FAM135A: variants seen among roughly 807,000 people sequenced by gnomAD.
The protein encoded by FAM135A is family with sequence similarity 135 member A, also known as protein FAM135A.
A neutral mutation model predicts 146.8 loss-of-function variants in FAM135A; 79 were observed. The observed-to-expected ratio is 0.54, with a 90% CI of 0.45 to 0.65. The LOEUF (loss-of-function observed/expected upper bound fraction) is 0.65. FAM135A is among the 30% of genes least tolerant of loss of function. FAM135A has a pLI of 0.00. For synonymous variants in FAM135A, 562 were observed against 603.6 expected, an observed-to-expected ratio of 0.93 and a Z score of 1.01; for missense variants, 1,623 against 1,758.2, an observed-to-expected ratio of 0.92 and a Z score of 1.38.
intron 1 of FAM135A, chr6:70,413,999 C>G (rs1766894697): frequency 1.0e-6 from 1 of 985,584 alleles, no homozygotes; most frequent in African/African-American, 1.7e-5. Context: ...TCTTCCTGAA[C>G]CTCGCGCCTA....
At chr6:70,427,802 A>G (rs555905382) in intron 3 of FAM135A, among the ~76,000 whole-genome samples, 41 of 152,310 alleles carry the variant, frequency 2.7e-4, no homozygotes, top group Non-Finnish European at 4.9e-4. Flanking sequence ...AAAGGAAAAA[A>G]TCTCTTTCTC....
At chr6:70,530,936 T>G (rs1795684553) in intron 16 of FAM135A, among the ~76,000 whole-genome samples, 1 of 152,204 alleles carries the variant, frequency 6.6e-6, no homozygotes, top group Admixed American at 6.5e-5. Context: ...CAGTGCCTTC[T>G]TTTTTACACA....
chr6:70,537,829 C>T (rs1194103102), intron 19 of FAM135A, among the ~76,000 whole-genome samples: 4 of 152,078 alleles, frequency 2.6e-5, no homozygotes, highest in Non-Finnish European at 4.4e-5. Context: ...TATTAGAAAA[C>T]ATTAAACAAT....
chr6:70,557,964 T>A (rs1406670871), intron 21 of FAM135A, among the ~76,000 whole-genome samples: 1 of 152,104 alleles, frequency 6.6e-6, no homozygotes, highest in East Asian at 1.9e-4. Flanking sequence ...AAGGCTAGAG[T>A]CCACCTAAGG....
At chr6:70,511,317 G>T (rs554017350) in intron 12 of FAM135A, among the ~76,000 whole-genome samples, 2 of 151,856 alleles carry the variant, frequency 1.3e-5, no homozygotes, top group Non-Finnish European at 2.9e-5. Context: ...CCCAGTAAAA[G>T]AAATCCTGTA....
At chr6:70,549,288 G>A (rs1006494775) in intron 20 of FAM135A, among the ~76,000 whole-genome samples, 1 of 151,910 alleles carries the variant, frequency 6.6e-6, no homozygotes, top group African/African-American at 2.4e-5. Flanking sequence ...AGTTAATCCT[G>A]GTAATTCCAT....
chr6:70,489,923 C>T (rs535512806), intron 10 of FAM135A, among the ~76,000 whole-genome samples: 4 of 152,256 alleles, frequency 2.6e-5, no homozygotes, highest in Admixed American at 2.0e-4. Flanking sequence ...CCAATATAGC[C>T]GTTGTCCTTT....
At chr6:70,510,034 A>G (rs985795541) in intron 12 of FAM135A, among the ~76,000 whole-genome samples, 1 of 151,934 alleles carries the variant, frequency 6.6e-6, no homozygotes, top group African/African-American at 2.4e-5. Context: ...ATAGTTTTGG[A>G]TTTTTTTTCC....
In FAM135A at chr6:70,526,154, A is replaced by G. The variant is rs777611798; in HGVS notation, c.3070A>G (p.Ser1024Gly). The part of the protein sequence containing the change: ...TVESETHLGT[S>G]DPFSASTDIV... ...TGAAAGTGAAACTCATCTGGGTACA[A>G]GTGATCCTTTTTCAGCCAGTACTGA... is the stretch of plus-strand genomic sequence containing the variant. The change falls in exon 15 of 22, where the codon AGT (serine) becomes GGT (glycine). Residue 1024 changes from serine to glycine, a missense_variant. Ser to Gly is a moderately conservative substitution (Grantham distance 56). This residue lies in a region of FAM135A where 1,061 missense variants were observed against 1,113.8 expected (regional missense o/e 0.95). Coordinates refer to ENST00000418814, the MANE Select transcript of FAM135A (RefSeq NM_001162529.3). The G allele has an allele frequency of 1.2e-6, 2 of 1,613,616 alleles. No individual in the cohort carries two copies. The highest frequency in any genetic ancestry group is 8.5e-7 in the Non-Finnish European group (1 of 1,179,658).
At chr6:70,446,573 G>A (rs555220009) in intron 4 of FAM135A, among the ~76,000 whole-genome samples, 16 of 152,306 alleles carry the variant, frequency 1.1e-4, no homozygotes, top group African/African-American at 3.4e-4. Flanking sequence ...TTTACAAAAA[G>A]ATTTTTGAGG....
Position 70,525,178 on chromosome 6 carries a change from C to G in FAM135A, c.2094C>G (p.Ser698=), listed in dbSNP as rs763062400. 6.3e-7 allele frequency: 1 copy of G among 1,592,336 alleles called. No individual in the cohort carries two copies. The highest frequency in any genetic ancestry group is 1.8e-5 in the Admixed American group (1 of 55,046). The change falls in exon 15 of 22, where the codon TCC becomes TCG. Residue 698 remains serine (S), a synonymous_variant. Coordinates refer to ENST00000418814, the MANE Select transcript of FAM135A (RefSeq NM_001162529.3). ...LVDNLLPNFE[S]LESNGKSKSI... ...ATAATTTACTACCCAACTTTGAGTC[C>G]TTAGAATCTAATGGTAAATCTAAAT... is the stretch of plus-strand genomic sequence containing the variant.
At chr6:70,449,517 G>T (rs943830660) in intron 4 of FAM135A, among the ~76,000 whole-genome samples, 2 of 152,026 alleles carry the variant, frequency 1.3e-5, no homozygotes, top group African/African-American at 4.8e-5. Context: ...GTCTTTCTGT[G>T]CCTGGCTTAT....
chr6:70,485,463 T>C (rs1377622945), intron 10 of FAM135A, among the ~76,000 whole-genome samples: 2 of 152,158 alleles, frequency 1.3e-5, no homozygotes, highest in Non-Finnish European at 2.9e-5. Context: ...TTTATTTTTA[T>C]TCTAGCAAAA....
intron 4 of FAM135A, among the ~76,000 whole-genome samples, chr6:70,434,077 T>C (rs751085780): frequency 5.3e-5 from 8 of 152,206 alleles, no homozygotes; most frequent in African/African-American, 4.8e-5. Context: ...GTATGTCTTA[T>C]AAATGAGTAA....
intron 10 of FAM135A, among the ~76,000 whole-genome samples, chr6:70,484,678 C>T (rs1784301274): frequency 6.6e-6 from 1 of 152,200 alleles, no homozygotes; most frequent in South Asian, 2.1e-4. Flanking sequence ...AGTGTTCACG[C>T]TCCTATGAGA....
chr6:70,537,622 G>C (rs1242323264), intron 19 of FAM135A, among the ~76,000 whole-genome samples: 1 of 152,092 alleles, frequency 6.6e-6, no homozygotes, highest in African/African-American at 2.4e-5. Context: ...ACCAATTAAA[G>C]GATTGTTTTC....
chr6:70,509,508 G>C (rs181501837), intron 12 of FAM135A, among the ~76,000 whole-genome samples: 1 of 152,146 alleles, frequency 6.6e-6, no homozygotes, highest in Non-Finnish European at 1.5e-5. Context: ...TTCATAGATG[G>C]ATAGACTATA....
intron 12 of FAM135A, among the ~76,000 whole-genome samples, chr6:70,515,858 G>C (rs1051216692): frequency 6.6e-6 from 1 of 151,988 alleles, no homozygotes; most frequent in Non-Finnish European, 1.5e-5. Context: ...GGGTGGGGAA[G>C]AGGGCAATAT....
At chr6:70,481,899 T>C (rs1325469320) in intron 9 of FAM135A, 102 bp from the exon 10 acceptor site, 2 of 1,115,184 alleles carry the variant, frequency 1.8e-6, no homozygotes, top group Non-Finnish European at 2.5e-6. Flanking sequence ...AGAATAAATT[T>C]AGTTGACAGA....
Sources: gnomAD v4.1 joint callset for allele counts (sites outside exome capture counted in the v4.1 genomes callset) on GRCh38, gnomAD v4.1.1 for gene constraint, gnomAD v4.1.1 regional missense constraint, MANE v1.5 for transcripts, NCBI Gene and HGNC (gene_info 2026-07-23, HGNC 2026-07-21) for gene names.